Variants in OXR1 observed in about 807,000 individuals in gnomAD.
OXR1 encodes the protein oxidation resistance protein 1.
OXR1 carries 41 observed loss-of-function variants against 104.6 expected under a neutral mutation model. The ratio of observed to expected loss-of-function variants is 0.39; its 90% CI spans 0.31 to 0.51. The LOEUF (loss-of-function observed/expected upper bound fraction) is 0.51. Ranked by LOEUF, OXR1 falls within the 20% of genes least tolerant of loss-of-function variation. OXR1 has a pLI of 0.77. For missense variants in OXR1, 955 were observed against 1,031.9 expected (o/e 0.93, Z 1.02); for synonymous variants, 348 against 348.4 (o/e 1.00, Z 0.01).
chr8:106,542,422 G>A (rs895017319), intron 3 of OXR1, among the ~76,000 whole-genome samples: 6 of 152,044 alleles, frequency 3.9e-5, no homozygotes, highest in African/African-American at 1.4e-4. Context: ...AAAATTTGGA[G>A]GCAGAGCTTC....
chr8:106,478,386 A>T (rs1200486091), intron 2 of OXR1, among the ~76,000 whole-genome samples: 1 of 151,918 alleles, frequency 6.6e-6, no homozygotes, highest in Non-Finnish European at 1.5e-5. Context: ...ATTGTATTAT[A>T]TATTTTAGGC....
intron 2 of OXR1, among the ~76,000 whole-genome samples, chr8:106,510,506 A>G (rs1214647260): frequency 3.3e-5 from 5 of 152,186 alleles, no homozygotes; most frequent in African/African-American, 1.2e-4. Context: ...AGAAATGCTA[A>G]CGTTTTATGT....
At chr8:106,572,604 A>G (rs1817548556) in intron 3 of OXR1, among the ~76,000 whole-genome samples, 1 of 152,212 alleles carries the variant, frequency 6.6e-6, no homozygotes, top group Admixed American at 6.5e-5. Flanking sequence ...CATCACATGC[A>G]AGTTCTAACT....
At chr8:106,730,679 T>A (rs901098596) in intron 11 of OXR1, among the ~76,000 whole-genome samples, 1 of 152,164 alleles carries the variant, frequency 6.6e-6, no homozygotes, top group Non-Finnish European at 1.5e-5. Flanking sequence ...GAAAAGAAAC[T>A]GTTACAAACT....
intron 14 of OXR1, among the ~76,000 whole-genome samples, chr8:106,741,944 C>T (rs1321061025): frequency 6.6e-6 from 1 of 152,064 alleles, no homozygotes; most frequent in African/African-American, 2.4e-5. Context: ...AATGTGTTAA[C>T]CACTTTTTAA....
At chr8:106,531,520 T>G (rs1364284751) in intron 3 of OXR1, among the ~76,000 whole-genome samples, 2 of 152,176 alleles carry the variant, frequency 1.3e-5, no homozygotes, top group Non-Finnish European at 2.9e-5. Context: ...CTCTTAGTTT[T>G]CTGAGCTAGA....
At chr8:106,536,401 C>T (rs1814542759) in intron 3 of OXR1, among the ~76,000 whole-genome samples, 1 of 151,930 alleles carries the variant, frequency 6.6e-6, no homozygotes. Flanking sequence ...TATGAATTTG[C>T]AGTCTCCCTA....
rs1587300922 is a variant in OXR1 at position 106,739,331 on chromosome 8, A to G, written c.2038-127A>G. 10 of 799,592 alleles carry G rather than the reference A, an allele frequency of 1.3e-5. No homozygotes were observed. In the East Asian group the frequency reaches 2.6e-4, roughly 20 times the overall value. The allele number at this position is 799,592 out of a possible 1,614,324, so 49.5% of individuals were successfully genotyped here. A position where few individuals can be genotyped will look rare whatever the true frequency, so the allele number is the denominator to read the frequency against. The stretch of plus-strand genomic sequence containing the variant: ...GATATGGGCCATCTTTTGCCCTATA[A>G]AATCTTAAGGTTAAAGATTTAGCCA... On this transcript the variant is annotated intron_variant, in intron 12 of 16. Transcript: ENST00000517566.
chr8:106,438,732 A>G (rs895548152), intron 2 of OXR1, among the ~76,000 whole-genome samples: 1 of 152,134 alleles, frequency 6.6e-6, no homozygotes, highest in Non-Finnish European at 1.5e-5. Context: ...TTAGGATTCA[A>G]TAAATGAGAG....
chr8:106,613,420 C>G (rs534304695), intron 3 of OXR1, among the ~76,000 whole-genome samples: 153 of 152,286 alleles, frequency 1.0e-3, no homozygotes, highest in African/African-American at 3.5e-3. Context: ...CTTTTTGAGT[C>G]AGAGTTTCGC....
chr8:106,668,098 C>T (rs750781750), intron 3 of OXR1, among the ~76,000 whole-genome samples: 1 of 152,066 alleles, frequency 6.6e-6, no homozygotes, highest in Non-Finnish European at 1.5e-5. Context: ...CTCCTCACAT[C>T]CTAATATTTA....
chr8:106,475,414 G>A (rs1039755527), intron 2 of OXR1, among the ~76,000 whole-genome samples: 7 of 152,010 alleles, frequency 4.6e-5, no homozygotes, highest in Admixed American at 3.9e-4. Flanking sequence ...GTAGGCTGAG[G>A]AGGAGGAGGA....
At chr8:106,361,704 C>A (rs1816252724) in intron 2 of OXR1, among the ~76,000 whole-genome samples, 1 of 152,010 alleles carries the variant, frequency 6.6e-6, no homozygotes, top group Non-Finnish European at 1.5e-5. Context: ...AACAGGAATG[C>A]ACAGTAACTC....
At chr8:106,378,232 A>G (rs1356811855) in intron 2 of OXR1, among the ~76,000 whole-genome samples, 1 of 152,170 alleles carries the variant, frequency 6.6e-6, no homozygotes, top group Non-Finnish European at 1.5e-5. Flanking sequence ...ACGAGGACAA[A>G]TATCTTAGTG....
intron 1 of OXR1, among the ~76,000 whole-genome samples, chr8:106,279,229 TAC>T (rs1271660413): frequency 6.6e-6 from 1 of 152,200 alleles, no homozygotes; most frequent in African/African-American, 2.4e-5. Context: ...ATGTTTCAGA[TAC>T]AGTTTTTAAT....
In OXR1 at chr8:106,683,261, T is replaced by A; in HGVS notation, c.366T>A (p.Leu122=). Residue 122 remains leucine, a synonymous_variant, in exon 5 of 17, where the codon CTT becomes CTA. Transcript: ENST00000517566. ...AGTTTGATACAACACCTAACGAACT[T>A]GTTCAATTAAATAAGTTATTCTCCC... is the stretch of plus-strand genomic sequence containing the variant. ...ALKFDTTPNE[L]VQLNKLFSRA... 1 of 1,606,074 alleles carries A rather than the reference T, an allele frequency of 6.2e-7. No homozygotes were observed. The highest frequency in any genetic ancestry group is 8.5e-7 in the Non-Finnish European group (1 of 1,173,204).
intron 1 of OXR1, among the ~76,000 whole-genome samples, chr8:106,339,519 A>AAT (rs756741127): frequency 0.014 from 461 of 33,232 alleles, 2 homozygotes; most frequent in East Asian, 0.018. Flanking sequence ...AAAAAAAAAA[A>AAT]ATATATATAT....
At chr8:106,513,489 G>T (rs1812672032) in intron 2 of OXR1, among the ~76,000 whole-genome samples, 1 of 152,066 alleles carries the variant, frequency 6.6e-6, no homozygotes, top group African/African-American at 2.4e-5. Context: ...GGATTGTCGT[G>T]AAAGAAATAC....
At chr8:106,353,998 T>C (rs900401446) in intron 1 of OXR1, among the ~76,000 whole-genome samples, 1 of 152,204 alleles carries the variant, frequency 6.6e-6, no homozygotes, top group Non-Finnish European at 1.5e-5. Context: ...AATATTTGTC[T>C]TTTTGTTCCT....
Sources: gnomAD v4.1 joint callset for allele counts (sites outside exome capture counted in the v4.1 genomes callset) on GRCh38, gnomAD v4.1.1 for gene constraint, MANE v1.5 for transcripts, NCBI Gene and HGNC (gene_info 2026-07-23, HGNC 2026-07-21) for gene names.